PCDH15: variants seen among roughly 807,000 people sequenced by gnomAD.
PCDH15 encodes the protein protocadherin related 15.
A neutral mutation model predicts 178.5 loss-of-function variants in PCDH15; 129 were observed. The observed-to-expected ratio is 0.72, with a 90% CI of 0.63 to 0.84. The LOEUF is 0.84. PCDH15 is among the 40% of genes least tolerant of loss of function. The pLI, the probability that PCDH15 is intolerant of heterozygous loss-of-function variation, is 0.00. For synonymous variants in PCDH15, 800 were observed against 732.0 expected, an observed-to-expected ratio of 1.09 and a Z score of -1.50; for missense variants, 2,230 against 2,099.9, an observed-to-expected ratio of 1.06 and a Z score of -1.21.
At chr10:53,970,462 A>C (rs969771760) in intron 21 of PCDH15, among the ~76,000 whole-genome samples, 8 of 151,874 alleles carry the variant, frequency 5.3e-5, no homozygotes, top group African/African-American at 1.7e-4. Context: ...GAGACAGAGA[A>C]ACAAAAAACT....
Position 55,178,519 on chromosome 10 carries a change from C to A in PCDH15, c.-155-11868G>T, listed in dbSNP as rs117812523. On this transcript the variant is annotated intron_variant, in intron 1 of 5. Coordinates refer to the PCDH15 transcript ENST00000458638. ...GGAAAGGATTAAACCTATCAATTAGCCCAGTGGTTGTTCTCAGGTCTGGGT... is the reference window on the plus strand; with the variant it reads ...GGAAAGGATTAAACCTATCAATTAGACCAGTGGTTGTTCTCAGGTCTGGGT... Among the ~76,000 whole-genome samples, 405 of 152,154 alleles carry A rather than the reference C, an allele frequency of 2.7e-3. 4 individuals carry two copies. The highest frequency in any genetic ancestry group is 0.026 in the East Asian group (134 of 5,154).
Position 55,152,450 on chromosome 10 carries a change from T to C in PCDH15, c.-80+14126A>G, listed in dbSNP as rs564029601. ...TTCATTTTAATGGGTATATAATTTT[T>C]AAAAATGAAAAGAGAAAATGGTGGC... On this transcript the variant is annotated intron_variant, in intron 2 of 5. Transcript: ENST00000458638. Among the ~76,000 whole-genome samples, 128 of 152,238 alleles carry C rather than the reference T, an allele frequency of 8.4e-4. 1 individual carries two copies. The highest frequency in any genetic ancestry group is 5.0e-3 in the South Asian group (24 of 4,832).
chr10:54,600,947 A>T (rs2134077034), intron 2 of PCDH15, among the ~76,000 whole-genome samples: 1 of 152,114 alleles, frequency 6.6e-6, no homozygotes. Context: ...AGATGTCTTG[A>T]GATGTATTAT....
chr10:55,501,193 G>A (rs1037665343), intron 2 of PCDH15, among the ~76,000 whole-genome samples: 1 of 151,642 alleles, frequency 6.6e-6, no homozygotes, highest in African/African-American at 2.4e-5. Flanking sequence ...GCAAGCCAGG[G>A]AACACTCCTG....
chr10:55,359,755 C>G (rs1270375194), intron 2 of PCDH15, among the ~76,000 whole-genome samples: 21 of 141,942 alleles, frequency 1.5e-4, no homozygotes, highest in Non-Finnish European at 1.5e-5. Context: ...TATACACACA[C>G]ACACACACAC....
In PCDH15 at chr10:55,317,665, G is replaced by A. The variant is rs141576000; in HGVS notation, c.-156+1934C>T. Among the ~76,000 whole-genome samples, 44 of 151,516 alleles carry A rather than the reference G, an allele frequency of 2.9e-4. No homozygotes were observed. In the East Asian group the frequency reaches 8.4e-3, roughly 29 times the overall value. ...CTCATACTATAGTCACCCAGAAAAGGTTGTTAAAATACAGCAATAAGAAAT... is the reference window on the plus strand; with the variant it reads ...CTCATACTATAGTCACCCAGAAAAGATTGTTAAAATACAGCAATAAGAAAT... On this transcript the variant is annotated intron_variant, in intron 1 of 5. Transcript: ENST00000458638.
chr10:54,801,895 T>C (rs531197351), upstream of PCDH15, among the ~76,000 whole-genome samples: 1 of 152,286 alleles, frequency 6.6e-6, no homozygotes, highest in African/African-American at 2.4e-5. Context: ...GTTTTACAGA[T>C]GGACAGGTAA....
chr10:53,864,574 T>A (rs1271207492), intron 27 of PCDH15, among the ~76,000 whole-genome samples: 1 of 152,088 alleles, frequency 6.6e-6, no homozygotes, highest in African/African-American at 2.4e-5. Flanking sequence ...TTCATCCAGA[T>A]AAGGGGTAGC....
chr10:55,465,476 T>G (rs1589052479), intron 2 of PCDH15, among the ~76,000 whole-genome samples: 1 of 152,246 alleles, frequency 6.6e-6, no homozygotes, highest in African/African-American at 2.4e-5. Context: ...ATGGCAGAGC[T>G]TTTAAAATGT....
chr10:55,228,669 A>G (rs1313276745), intron 1 of PCDH15, among the ~76,000 whole-genome samples: 1 of 151,978 alleles, frequency 6.6e-6, no homozygotes, highest in African/African-American at 2.4e-5. Context: ...TTGCCAAGGT[A>G]AATTACCCTA....
intron 18 of PCDH15, among the ~76,000 whole-genome samples, chr10:54,029,470 G>T (rs1185428945): frequency 6.6e-6 from 1 of 152,134 alleles, no homozygotes; most frequent in African/African-American, 2.4e-5. Context: ...GGCCTGATTT[G>T]TGGCTACTAA....
intron 2 of PCDH15, among the ~76,000 whole-genome samples, chr10:54,615,689 A>T (rs1423155294): frequency 1.1e-5 from 1 of 93,226 alleles, no homozygotes; most frequent in Admixed American, 1.2e-4. Context: ...GGAATGACAA[A>T]ATAAGACACA....
intron 32 of PCDH15, chr10:53,821,630 A>C: frequency 7.8e-7 from 1 of 1,283,180 alleles, no homozygotes; most frequent in Non-Finnish European, 9.9e-7. Context: ...ATAAATGTAG[A>C]ACAAATTATG....
At chr10:55,301,196 T>A (rs1049664279) in intron 1 of PCDH15, among the ~76,000 whole-genome samples, 1 of 152,194 alleles carries the variant, frequency 6.6e-6, no homozygotes, top group Non-Finnish European at 1.5e-5. Flanking sequence ...GTTTTCCAAG[T>A]TGGTAATGCA....
Position 54,527,878 on chromosome 10 carries a change from C to A in PCDH15, c.92-1G>T. 6.2e-7 allele frequency: 1 copy of A among 1,610,158 alleles called. No individual in the cohort carries two copies. Among genetic ancestry groups the A allele is most frequent in the Non-Finnish European group, 8.5e-7 (1 of 1,176,898 alleles). The stretch of plus-strand genomic sequence containing the variant: ...GGTCCTCCCCTAGCTAGTTTGCAAT[C>A]TAAAGAGAGAAAATAACCAAAAGTA... On this transcript the variant is annotated splice_acceptor_variant, in intron 2 of 37. Transcript: ENST00000644397. LOFTEE classifies it high-confidence loss of function.
At chr10:54,157,425 T>C (rs1326785778) in intron 13 of PCDH15, among the ~76,000 whole-genome samples, 2 of 152,190 alleles carry the variant, frequency 1.3e-5, no homozygotes, top group Admixed American at 6.5e-5. Context: ...GCCTGAGCTC[T>C]ATGTTGGACC....
rs558421525 is a variant in PCDH15, at chr10:54,660,536, G to C, written c.91+3636C>G. 5.9e-5 allele frequency among the ~76,000 whole-genome samples: 9 copies of C among 152,092 alleles called. No homozygotes were observed. The South Asian group carries it at 1.9e-3, about 32-fold the overall frequency. On this transcript the variant is annotated intron_variant, in intron 2 of 37. Transcript: ENST00000644397. ...TAACAGCCAAACTTTACCAGACATA[G>C]AAAGAGCTAGTACCCATCTTGTATA...
At chr10:54,253,343 A>G (rs2056650576) in intron 8 of PCDH15, among the ~76,000 whole-genome samples, 1 of 151,996 alleles carries the variant, frequency 6.6e-6, no homozygotes, top group Non-Finnish European at 1.5e-5. Context: ...AGTGGTTTTT[A>G]TTGTCAGAAT....
At chr10:54,959,268 A>C (rs1838579424) in intron 2 of PCDH15, among the ~76,000 whole-genome samples, 2 of 152,004 alleles carry the variant, frequency 1.3e-5, no homozygotes, top group African/African-American at 4.8e-5. Flanking sequence ...GAAAAATATA[A>C]GCATTAACTA....
Sources: allele counts gnomAD v4.1 joint callset (sites outside exome capture counted in the v4.1 genomes callset), GRCh38; gene constraint gnomAD v4.1.1; transcripts MANE v1.5; gene names NCBI Gene and HGNC (gene_info 2026-07-23, HGNC 2026-07-21).